Variants in BLK observed in about 807,000 individuals in gnomAD.
BLK encodes the protein tyrosine-protein kinase Blk.
In BLK, 64 loss-of-function variants were observed where a neutral mutation model predicts 61.8. That is an observed-to-expected ratio of 1.03 (90% confidence interval 0.85 to 1.27). The LOEUF (loss-of-function observed/expected upper bound fraction) is 1.27. BLK is among the 50% of genes most tolerant of loss of function. The pLI, the probability that BLK is intolerant of heterozygous loss-of-function variation, is 0.00. For synonymous variants in BLK, 351 were observed against 272.0 expected, an observed-to-expected ratio of 1.29 and a Z score of -2.86; for missense variants, 853 against 660.5, an observed-to-expected ratio of 1.29 and a Z score of -3.19.
chr8:11,496,494 T>G (rs1798363115), intron 1 of BLK, among the ~76,000 whole-genome samples: 1 of 152,234 alleles, frequency 6.6e-6, no homozygotes, highest in Non-Finnish European at 1.5e-5. Flanking sequence ...CCTCCCACTT[T>G]GGCCTCCCAC....
intron 6 of BLK, 145 bp from the exon 7 acceptor site, chr8:11,554,598 G>C: frequency 9.9e-7 from 1 of 1,009,182 alleles, no homozygotes; most frequent in Non-Finnish European, 1.5e-6. Flanking sequence ...TGAGATGCAG[G>C]GAAAGGAAAC....
intron 5 of BLK, 37 bp from the exon 6 acceptor site, chr8:11,550,122 G>T: frequency 6.3e-7 from 1 of 1,574,918 alleles, no homozygotes; most frequent in Non-Finnish European, 8.7e-7. Flanking sequence ...GAGGAGCAGG[G>T]TCGCTCTGAG....
chr8:11,553,974 G>A (rs1801050851), intron 6 of BLK, among the ~76,000 whole-genome samples: 1 of 152,130 alleles, frequency 6.6e-6, no homozygotes, highest in African/African-American at 2.4e-5. Flanking sequence ...CGGACTCGGG[G>A]AACCGGGAGC....
In BLK at chr8:11,522,378, TG is replaced by T. The variant is rs1330083966; in HGVS notation, c.-1-20842del. Among the ~76,000 whole-genome samples, 4 of 152,294 alleles carry T rather than the reference TG, an allele frequency of 2.6e-5. No homozygotes were observed. In the East Asian group the frequency reaches 7.7e-4, roughly 29 times the overall value. ...GACAATACGAGTTTTGGTGAGAATA[TG>T]GGGAAAATGAAAACTCTCAGGTATT... On this transcript the variant is annotated intron_variant, in intron 1 of 12. Coordinates refer to ENST00000259089, the MANE Select transcript of BLK (RefSeq NM_001715.3).
At chr8:11,526,677 C>A (rs1169154259) in intron 1 of BLK, among the ~76,000 whole-genome samples, 2 of 152,154 alleles carry the variant, frequency 1.3e-5, no homozygotes, top group Non-Finnish European at 2.9e-5. Context: ...TGAGACTGTG[C>A]CAGTGCACTC....
At chr8:11,495,105 G>C (rs1208370045) in intron 1 of BLK, among the ~76,000 whole-genome samples, 1 of 152,248 alleles carries the variant, frequency 6.6e-6, no homozygotes, top group Admixed American at 6.5e-5. Context: ...TAACTGAATA[G>C]ATGTAATGAT....
chr8:11,554,985 TG>T, intron 7 of BLK, 96 bp downstream of exon 7: 2 of 1,521,598 alleles, frequency 1.3e-6, no homozygotes, highest in Non-Finnish European at 1.8e-6. Context: ...GGTGCCACCT[TG>T]GGGGATGGAA....
At chr8:11,561,191 A>AAAC in intron 10 of BLK, 111 bp from the exon 11 acceptor site, 1 of 1,453,566 alleles carries the variant, frequency 6.9e-7, no homozygotes, top group Non-Finnish European at 9.4e-7. Context: ...TCCATCCAAG[A>AAAC]AACAGCTCCT....
At chr8:11,558,453 T>C (rs866698567) in intron 10 of BLK, 3 of 360,694 alleles carry the variant, frequency 8.3e-6, no homozygotes, top group Non-Finnish European at 1.6e-5. Flanking sequence ...CTGTAGGACT[T>C]CCCATCCCAG....
intron 9 of BLK, 97 bp from the exon 10 acceptor site, chr8:11,557,865 C>T (rs1319186574): frequency 3.8e-6 from 4 of 1,059,956 alleles, no homozygotes; most frequent in African/African-American, 1.6e-5. Flanking sequence ...ACTCCCACTT[C>T]CCGCGCCCAT....
chr8:11,523,983 T>A (rs1035131517), intron 1 of BLK, among the ~76,000 whole-genome samples: 1 of 152,214 alleles, frequency 6.6e-6, no homozygotes, highest in Admixed American at 6.5e-5. Context: ...AATGTGCATA[T>A]TCTTAAACAC....
intron 3 of BLK, among the ~76,000 whole-genome samples, chr8:11,546,461 C>G (rs903880757): frequency 2.0e-5 from 3 of 152,192 alleles, no homozygotes; most frequent in South Asian, 2.1e-4. Context: ...AGGCCCTTGC[C>G]TCCAGCCCCT....
chr8:11,538,156 A>G (rs1800216429), intron 1 of BLK, among the ~76,000 whole-genome samples: 1 of 152,192 alleles, frequency 6.6e-6, no homozygotes, highest in Non-Finnish European at 1.5e-5. Flanking sequence ...TCTCACACAC[A>G]CACAAGTGCA....
intron 1 of BLK, among the ~76,000 whole-genome samples, chr8:11,527,108 T>C (rs1243637546): frequency 6.6e-6 from 1 of 152,182 alleles, no homozygotes; most frequent in Non-Finnish European, 1.5e-5. Flanking sequence ...CAAGGGGTCT[T>C]TCACTGTCCT....
At chr8:11,552,064 G>C (rs941285251) in intron 6 of BLK, among the ~76,000 whole-genome samples, 1 of 152,204 alleles carries the variant, frequency 6.6e-6, no homozygotes, top group African/African-American at 2.4e-5. Flanking sequence ...AGGAGGAAAG[G>C]GAGAGAGAGT....
At chr8:11,530,501 C>T (rs930093466) in intron 1 of BLK, among the ~76,000 whole-genome samples, 2 of 152,188 alleles carry the variant, frequency 1.3e-5, no homozygotes, top group Non-Finnish European at 1.5e-5. Flanking sequence ...CCAACTGTGT[C>T]TTGCTACAAA....
chr8:11,558,684 G>C (rs1801342807), intron 10 of BLK: 1 of 456,166 alleles, frequency 2.2e-6, no homozygotes, highest in African/African-American at 2.0e-5. Context: ...ATGGGGTGAA[G>C]AGCAGAGTGG....
intron 2 of BLK, among the ~76,000 whole-genome samples, chr8:11,545,088 A>T (rs1469861444): frequency 6.6e-6 from 1 of 152,250 alleles, no homozygotes; most frequent in Non-Finnish European, 1.5e-5. Flanking sequence ...TAAATCAACT[A>T]CATCAAACAG....
intron 11 of BLK, 123 bp from the exon 12 acceptor site, chr8:11,562,856 C>T (rs561743106): frequency 3.8e-5 from 53 of 1,408,052 alleles, no homozygotes; most frequent in South Asian, 1.0e-4. Flanking sequence ...CTGGCCGCCC[C>T]GCCCTGTGAG....
Sources: allele counts gnomAD v4.1 joint callset (sites outside exome capture counted in the v4.1 genomes callset), GRCh38; gene constraint gnomAD v4.1.1; transcripts MANE v1.5; gene names NCBI Gene and HGNC (gene_info 2026-07-23, HGNC 2026-07-21).